Variants in KIAA1217 observed in about 807,000 individuals in gnomAD.
KIAA1217 encodes the protein KIAA1217.
A neutral mutation model predicts 163.9 loss-of-function variants in KIAA1217; 88 were observed. The ratio of observed to expected loss-of-function variants is 0.54; its 90% CI spans 0.45 to 0.64. The LOEUF (loss-of-function observed/expected upper bound fraction) is 0.64, where lower values mean the gene tolerates loss of function less well. KIAA1217 is among the 30% of genes least tolerant of loss of function. KIAA1217 has a pLI of 0.00. For missense variants in KIAA1217, 2,372 were observed against 2,475.0 expected, an observed-to-expected ratio of 0.96 and a Z score of 0.88; for synonymous variants, 903 against 923.1, an observed-to-expected ratio of 0.98 and a Z score of 0.39.
At chr10:23,810,581 AATAT>A (rs1207841293) in intron 1 of KIAA1217, among the ~76,000 whole-genome samples, 1 of 128,748 alleles carries the variant, frequency 7.8e-6, no homozygotes, top group Non-Finnish European at 1.6e-5. Flanking sequence ...ATCTATATAT[AATAT>A]ATATAGTGTG....
intron 5 of KIAA1217, among the ~76,000 whole-genome samples, chr10:24,468,926 G>C (rs1194104675): frequency 6.6e-6 from 1 of 151,900 alleles, no homozygotes; most frequent in Non-Finnish European, 1.5e-5. Flanking sequence ...CATTTTAAAG[G>C]TTATTTATAT....
intron 2 of KIAA1217, among the ~76,000 whole-genome samples, chr10:24,116,627 C>A (rs11013905): frequency 6.6e-6 from 1 of 152,040 alleles, no homozygotes; most frequent in Non-Finnish European, 1.5e-5. Flanking sequence ...TGTAGAACAG[C>A]CTTCTAGATG....
At chr10:23,745,450 C>T (rs1184302360) in intron 1 of KIAA1217, among the ~76,000 whole-genome samples, 7 of 152,096 alleles carry the variant, frequency 4.6e-5, no homozygotes, top group Middle Eastern at 3.2e-3. Flanking sequence ...AATTGGGCAT[C>T]TTTGGAAATT....
chr10:23,756,760 C>T (rs563887674), intron 1 of KIAA1217, among the ~76,000 whole-genome samples: 295 of 152,216 alleles, frequency 1.9e-3, no homozygotes, highest in African/African-American at 6.9e-3. Flanking sequence ...TGTGGTAAAA[C>T]ATGTATAACA....
chr10:23,956,693 T>C (rs1306872993), intron 1 of KIAA1217, among the ~76,000 whole-genome samples: 3 of 152,102 alleles, frequency 2.0e-5, no homozygotes, highest in Non-Finnish European at 4.4e-5. Context: ...CATCTGCTTC[T>C]GGCAAGGACC....
intron 2 of KIAA1217, among the ~76,000 whole-genome samples, chr10:24,348,430 C>T (rs2048065651): frequency 6.6e-6 from 1 of 152,148 alleles, no homozygotes; most frequent in Non-Finnish European, 1.5e-5. Context: ...CCAATACTCA[C>T]ATAATACAAC....
chr10:24,296,944 C>T (rs1316329302), intron 2 of KIAA1217, among the ~76,000 whole-genome samples: 1 of 152,184 alleles, frequency 6.6e-6, no homozygotes, highest in Non-Finnish European at 1.5e-5. Context: ...GGAGGATGGT[C>T]TCTGTCGCTG....
At chr10:24,499,802 C>G (rs1432683079) in intron 8 of KIAA1217, among the ~76,000 whole-genome samples, 1 of 152,150 alleles carries the variant, frequency 6.6e-6, no homozygotes, top group African/African-American at 2.4e-5. Flanking sequence ...ATTGTCAGTT[C>G]TTTAAAATGC....
intron 2 of KIAA1217, among the ~76,000 whole-genome samples, chr10:24,350,347 G>T (rs765402370): frequency 6.6e-6 from 1 of 152,184 alleles, no homozygotes; most frequent in African/African-American, 2.4e-5. Context: ...AAATTAGGAG[G>T]AGGGGAGGCA....
At chr10:24,494,374 C>A in intron 6 of KIAA1217, 126 bp from the exon 7 acceptor site, 3 of 710,824 alleles carry the variant, frequency 4.2e-6, no homozygotes, top group Non-Finnish European at 7.3e-6. Context: ...TGTTCCTGAG[C>A]CAGGTTGGGT....
chr10:24,381,109 A>G, intron 3 of KIAA1217, 42 bp downstream of exon 3: 4 of 1,435,790 alleles, frequency 2.8e-6, no homozygotes, highest in Non-Finnish European at 3.7e-6. Context: ...TTTCTTACTG[A>G]ATGCGTTTGT....
At chr10:24,114,702 G>GCAAC (rs1329269207) in intron 2 of KIAA1217, among the ~76,000 whole-genome samples, 3 of 152,154 alleles carry the variant, frequency 2.0e-5, no homozygotes, top group Non-Finnish European at 4.4e-5. Flanking sequence ...AGCACATCTG[G>GCAAC]AGAAATCCTT....
intron 1 of KIAA1217, among the ~76,000 whole-genome samples, chr10:23,734,187 C>G (rs543999490): frequency 1.3e-5 from 2 of 152,210 alleles, no homozygotes; most frequent in African/African-American, 4.8e-5. Flanking sequence ...AATCTCTGCA[C>G]TTATGTTTTC....
At chr10:23,747,677 G>A (rs12253589) in intron 1 of KIAA1217, among the ~76,000 whole-genome samples, 43,139 of 152,020 alleles carry the variant, frequency 0.28, 6,935 homozygotes, top group African/African-American at 0.44. Context: ...ATTTAAAGAA[G>A]ATACAAAGGT....
chr10:24,307,782 A>G (rs969847981), intron 2 of KIAA1217, among the ~76,000 whole-genome samples: 2 of 152,206 alleles, frequency 1.3e-5, no homozygotes, highest in South Asian at 4.1e-4. Context: ...CCTTGTCTCA[A>G]AAAAAAGAAA....
intron 1 of KIAA1217, among the ~76,000 whole-genome samples, chr10:23,805,996 C>CAAAAAAAAAAAAAAAAAAAAAAAAAAAA (rs71397917): frequency 9.8e-5 from 3 of 30,500 alleles, no homozygotes; most frequent in African/African-American, 1.4e-4. Context: ...AACTCCATCT[C>CAAAAAAAAAAAAAAAAAAAAAAAAAAAA]AAAAAAAAAA....
chr10:24,196,150 C>CAG (rs2066979396), intron 2 of KIAA1217, among the ~76,000 whole-genome samples: 1 of 151,512 alleles, frequency 6.6e-6, no homozygotes, highest in African/African-American at 2.4e-5. Flanking sequence ...CACACACACA[C>CAG]ACACACACAC....
intron 3 of KIAA1217, among the ~76,000 whole-genome samples, chr10:24,414,815 A>T (rs1034315394): frequency 1.3e-4 from 20 of 152,284 alleles, no homozygotes; most frequent in Non-Finnish European, 2.6e-4. Flanking sequence ...TTGAGAACAG[A>T]AGTGACTCTT....
chr10:24,205,841 C>A (rs559827922), upstream of KIAA1217, among the ~76,000 whole-genome samples: 3 of 152,114 alleles, frequency 2.0e-5, no homozygotes, highest in African/African-American at 7.2e-5. Context: ...TTTCCACAAC[C>A]CTATAATTGG....
Sources: allele counts gnomAD v4.1 joint callset (sites outside exome capture counted in the v4.1 genomes callset), GRCh38; gene constraint gnomAD v4.1.1; transcripts MANE v1.5; gene names NCBI Gene and HGNC (gene_info 2026-07-23, HGNC 2026-07-21).